The following CDH13 variants were observed in gnomAD, a reference collection of about 807,000 sequenced individuals.
CDH13 encodes the protein cadherin 13.
Under a neutral mutation model 63.8 loss-of-function variants are expected in CDH13, and 24 were observed. The ratio of observed to expected loss-of-function variants is 0.38; its 90% CI spans 0.27 to 0.53. The LOEUF (loss-of-function observed/expected upper bound fraction) is 0.53. Ranked by LOEUF, CDH13 falls within the 20% of genes least tolerant of loss-of-function variation. The pLI is 0.85. For synonymous variants in CDH13, 503 were observed against 355.3 expected (o/e 1.42, Z -4.67); for missense variants, 1,049 against 903.1 (o/e 1.16, Z -2.07).
chr16:82,727,979 C>G (rs1476772738), intron 1 of CDH13, among the ~76,000 whole-genome samples: 1 of 152,196 alleles, frequency 6.6e-6, no homozygotes, highest in African/African-American at 2.4e-5. Context: ...AAGTTAGAAT[C>G]TTCCCTTCGT....
chr16:82,660,436 C>G (rs1460938577), intron 1 of CDH13, among the ~76,000 whole-genome samples: 1 of 139,458 alleles, frequency 7.2e-6, no homozygotes, highest in African/African-American at 3.2e-5. Flanking sequence ...CTGTGCCTGC[C>G]GGGGCGTGCG....
intron 7 of CDH13, among the ~76,000 whole-genome samples, chr16:83,506,520 C>G (rs1168217889): frequency 6.6e-6 from 1 of 152,174 alleles, no homozygotes; most frequent in African/African-American, 2.4e-5. Context: ...ATGGCATCAG[C>G]ATTTTCTCTT....
chr16:82,752,492 A>T (rs2034458030), intron 1 of CDH13, among the ~76,000 whole-genome samples: 1 of 152,220 alleles, frequency 6.6e-6, no homozygotes, highest in South Asian at 2.1e-4. Context: ...ATGCCTGTAC[A>T]GTTCTTGATT....
intron 1 of CDH13, among the ~76,000 whole-genome samples, chr16:82,831,816 A>G (rs952385068): frequency 1.3e-5 from 2 of 152,198 alleles, no homozygotes; most frequent in South Asian, 2.1e-4. Context: ...TTTAAATGAC[A>G]TCTAAGGGCA....
intron 1 of CDH13, among the ~76,000 whole-genome samples, chr16:82,713,451 T>C (rs939011370): frequency 5.9e-5 from 9 of 152,104 alleles, no homozygotes; most frequent in African/African-American, 2.2e-4. Context: ...CCTGAAACCC[T>C]TTCCCTGCCT....
At chr16:83,116,985 C>T (rs541030682) in intron 3 of CDH13, among the ~76,000 whole-genome samples, 7 of 152,260 alleles carry the variant, frequency 4.6e-5, no homozygotes, top group East Asian at 1.9e-4. Context: ...ACCTAGAGGA[C>T]GGGCAAATCA....
Position 83,217,380 on chromosome 16 carries a change from C to A in CDH13, c.519C>A (p.Phe173Leu). The change falls in exon 5 of 14, where the codon TTC becomes TTA. Residue 173 changes from phenylalanine (F) to leucine (L), a missense_variant. Transcript: ENST00000567109. ...VDSDRPERSKFRLTGKGVDQE... is the reference protein window; with the variant it reads ...VDSDRPERSKLRLTGKGVDQE... Reference sequence around the variant, plus strand: ...GTGACAGGCCAGAAAGGTCCAAGTTCCGGCTCACTGGAAAGGGAGTGGATC... The same window carrying A: ...GTGACAGGCCAGAAAGGTCCAAGTTACGGCTCACTGGAAAGGGAGTGGATC... 1 of 1,613,922 alleles carries A rather than the reference C, an allele frequency of 6.2e-7. No homozygotes were observed.
chr16:82,634,246 C>G (rs180819927), intron 1 of CDH13, among the ~76,000 whole-genome samples: 5 of 152,374 alleles, frequency 3.3e-5, no homozygotes, highest in Admixed American at 3.3e-4. Flanking sequence ...CAGCTTCCAT[C>G]CTTGCCTTAC....
At chr16:83,489,847 C>A (rs1317715198) in intron 7 of CDH13, among the ~76,000 whole-genome samples, 1 of 151,948 alleles carries the variant, frequency 6.6e-6, no homozygotes, top group Non-Finnish European at 1.5e-5. Flanking sequence ...AGAAAGTATC[C>A]CATTTGGGAC....
rs1178126976 is a variant in CDH13 at position 83,580,730 on chromosome 16, C to T, written c.961-21724C>T. Among the ~76,000 whole-genome samples, 5 of 152,084 alleles carry T rather than the reference C, an allele frequency of 3.3e-5. No homozygotes were observed. The East Asian group carries it at 9.6e-4, about 29-fold the overall frequency. On this transcript the variant is annotated intron_variant, in intron 7 of 13. Coordinates refer to ENST00000567109, the MANE Select transcript of CDH13 (RefSeq NM_001257.5). ...TAGGTTGGTCTTGAACTCCTGAGCT[C>T]AGGTGATTCTGCCCGCCTCCCAAAG...
intron 8 of CDH13, among the ~76,000 whole-genome samples, chr16:83,664,448 A>G (rs1913743535): frequency 6.6e-6 from 1 of 151,334 alleles, no homozygotes; most frequent in African/African-American, 2.4e-5. Flanking sequence ...TTTATGTAGA[A>G]CTCTGTACTG....
chr16:83,592,028 C>G (rs1906807564), intron 7 of CDH13, among the ~76,000 whole-genome samples: 1 of 152,196 alleles, frequency 6.6e-6, no homozygotes, highest in Admixed American at 6.5e-5. Flanking sequence ...CGGCCTCCAC[C>G]TCTCCACCTA....
At chr16:83,441,669 A>G (rs1011850598) in intron 6 of CDH13, among the ~76,000 whole-genome samples, 1 of 152,166 alleles carries the variant, frequency 6.6e-6, no homozygotes, top group Non-Finnish European at 1.5e-5. Context: ...CACAGCTGCC[A>G]CCAAGATGTC....
At chr16:82,750,713 A>C (rs529353795) in intron 1 of CDH13, among the ~76,000 whole-genome samples, 108 of 152,336 alleles carry the variant, frequency 7.1e-4, no homozygotes, top group African/African-American at 2.5e-3. Flanking sequence ...CAGAACAGTA[A>C]GGAGAAATTC....
intron 4 of CDH13, among the ~76,000 whole-genome samples, chr16:83,151,994 C>T (rs1412964755): frequency 2.0e-5 from 3 of 150,948 alleles, no homozygotes; most frequent in Admixed American, 1.3e-4. Context: ...CACTAAGTAG[C>T]CTTTTGCAAG....
intron 4 of CDH13, among the ~76,000 whole-genome samples, chr16:83,205,942 G>A (rs1379080425): frequency 6.6e-6 from 1 of 152,092 alleles, no homozygotes; most frequent in East Asian, 1.9e-4. Context: ...GAGAGAAACT[G>A]ACCATGAGGC....
intron 4 of CDH13, among the ~76,000 whole-genome samples, chr16:83,146,540 A>G (rs16959458): frequency 0.12 from 18,636 of 152,284 alleles, 1,155 homozygotes; most frequent in South Asian, 0.21. Flanking sequence ...TAAGCTAACT[A>G]TATCTGTCAT....
chr16:83,367,573 T>A (rs2091282155), intron 6 of CDH13, among the ~76,000 whole-genome samples: 1 of 152,248 alleles, frequency 6.6e-6, no homozygotes, highest in Admixed American at 6.5e-5. Flanking sequence ...ACTGGCAGAC[T>A]GTGTTTCAAA....
At chr16:83,288,013 G>C (rs1230291589) in intron 5 of CDH13, among the ~76,000 whole-genome samples, 6 of 152,194 alleles carry the variant, frequency 3.9e-5, no homozygotes, top group African/African-American at 1.4e-4. Flanking sequence ...TCTTTCGTTT[G>C]ACTCAGGCTC....
Sources: gnomAD v4.1 joint callset for allele counts (sites outside exome capture counted in the v4.1 genomes callset) on GRCh38, gnomAD v4.1.1 for gene constraint, MANE v1.5 for transcripts, NCBI Gene and HGNC (gene_info 2026-07-23, HGNC 2026-07-21) for gene names.